ANXA8: variants seen among roughly 807,000 people sequenced by gnomAD.
ANXA8 encodes annexin A8.
In ANXA8, 9 loss-of-function variants were observed where a neutral mutation model predicts 26.8. The ratio of observed to expected loss-of-function variants is 0.34; its 90% CI spans 0.20 to 0.59. The LOEUF (loss-of-function observed/expected upper bound fraction) is 0.59, where lower values mean the gene tolerates loss of function less well. Ranked by LOEUF, ANXA8 falls within the 20% of genes least tolerant of loss-of-function variation. The pLI is 0.84. For missense variants in ANXA8, 83 were observed against 238.5 expected, an observed-to-expected ratio of 0.35 and a Z score of 4.29; for synonymous variants, 39 against 94.8, an observed-to-expected ratio of 0.41 and a Z score of 3.42.
chr10:47,651,805 A>G, the ANXA8 span, among the ~76,000 whole-genome samples: 1 of 151,874 alleles, frequency 6.6e-6, no homozygotes, highest in South Asian at 2.1e-4. Flanking sequence ...GAGGCAGGAG[A>G]ATCGCTTGAA....
chr10:47,710,893 A>C, the ANXA8 span, among the ~76,000 whole-genome samples: 1 of 123,128 alleles, frequency 8.1e-6, no homozygotes, highest in East Asian at 2.2e-4. Context: ...GTAGCAATTC[A>C]TTTATCTAAT....
In ANXA8 at chr10:47,474,276, C is replaced by T. The variant is rs1192918247; in HGVS notation, c.646+29G>A. 32 of 1,582,782 alleles carry T rather than the reference C, an allele frequency of 2.0e-5. 2 individuals carry two copies. In the African/African-American group the frequency reaches 2.8e-4, roughly 14 times the overall value. ...TCATGGCCAGGACACCCCCTGTGGC[C>T]CCGGCCCCAGCCCCTCCCTCCCTGG... On this transcript the variant is annotated intron_variant, in intron 8 of 11. Coordinates refer to ENST00000585281, the MANE Select transcript of ANXA8 (RefSeq NM_001040084.3).
chr10:47,489,952 T>C, the ANXA8 span, among the ~76,000 whole-genome samples: 5 of 150,768 alleles, frequency 3.3e-5, no homozygotes, highest in Admixed American at 6.6e-5. Flanking sequence ...CCTTGGCTGC[T>C]GGGAGACGAG....
the ANXA8 span, among the ~76,000 whole-genome samples, chr10:47,970,759 G>C: frequency 2.0e-5 from 3 of 151,420 alleles, 1 homozygote; most frequent in Non-Finnish European, 4.4e-5. Context: ...CACAGGCCCT[G>C]AAAAAACCCA....
At chr10:47,974,231 A>C in the ANXA8 span, among the ~76,000 whole-genome samples, 1 of 149,356 alleles carries the variant, frequency 6.7e-6, no homozygotes, top group Non-Finnish European at 1.5e-5. Flanking sequence ...TTCATCTGCA[A>C]ATGAAGATGA....
the ANXA8 span, among the ~76,000 whole-genome samples, chr10:47,776,616 T>C: frequency 2.0e-5 from 3 of 152,024 alleles, no homozygotes; most frequent in African/African-American, 4.8e-5. Flanking sequence ...GTATTTATCA[T>C]TGGATCTAAG....
At chr10:47,948,018 G>C in the ANXA8 span, among the ~76,000 whole-genome samples, 5 of 150,930 alleles carry the variant, frequency 3.3e-5, no homozygotes, top group Non-Finnish European at 5.9e-5. Flanking sequence ...GTTCAGTTGA[G>C]ATCCCAGAAA....
chr10:47,561,110 A>G, the ANXA8 span, among the ~76,000 whole-genome samples: 9 of 152,108 alleles, frequency 5.9e-5, no homozygotes, highest in East Asian at 1.9e-4. Flanking sequence ...AATTGTAGAT[A>G]TATATTTATG....
the ANXA8 span, among the ~76,000 whole-genome samples, chr10:47,700,318 G>A: frequency 1.3e-5 from 2 of 151,862 alleles, no homozygotes; most frequent in African/African-American, 4.8e-5. Context: ...TAGACCAGTG[G>A]AATAGAGTAA....
At chr10:47,554,111 A>AAATAAATG in the ANXA8 span, among the ~76,000 whole-genome samples, 12 of 12,832 alleles carry the variant, frequency 9.4e-4, no homozygotes, top group Non-Finnish European at 1.3e-3. Context: ...ATCTCTCAAA[A>AAATAAATG]AATAAATAAA....
chr10:47,591,059 G>A, the ANXA8 span, among the ~76,000 whole-genome samples: 1 of 143,512 alleles, frequency 7.0e-6, no homozygotes, highest in Non-Finnish European at 1.5e-5. Context: ...AGAGTCAGAA[G>A]TGGGAACGCA....
At chr10:47,671,026 C>T in the ANXA8 span, among the ~76,000 whole-genome samples, 26 of 151,672 alleles carry the variant, frequency 1.7e-4, no homozygotes, top group Non-Finnish European at 2.6e-4. Flanking sequence ...AGTTGGCCTG[C>T]TTCCAAAATG....
the ANXA8 span, among the ~76,000 whole-genome samples, chr10:47,899,060 G>T: frequency 1.3e-5 from 2 of 151,630 alleles, no homozygotes; most frequent in African/African-American, 4.8e-5. Flanking sequence ...TGGGTCTTGA[G>T]CTCCTGACCT....
chr10:47,679,861 T>C, the ANXA8 span, among the ~76,000 whole-genome samples: 1 of 151,952 alleles, frequency 6.6e-6, no homozygotes, highest in African/African-American at 2.4e-5. Flanking sequence ...GAGGCTGCAG[T>C]GAACTGTGTT....
the ANXA8 span, among the ~76,000 whole-genome samples, chr10:47,928,727 G>T: frequency 2.2e-5 from 2 of 91,524 alleles, no homozygotes; most frequent in East Asian, 4.8e-4. Flanking sequence ...CCAGAGACTT[G>T]TCTAGCCTCT....
At chr10:47,649,500 C>G in the ANXA8 span, among the ~76,000 whole-genome samples, 1 of 151,286 alleles carries the variant, frequency 6.6e-6, no homozygotes, top group Admixed American at 6.6e-5. Context: ...CCTCTGCCTC[C>G]TGGGTTCAAG....
At chr10:47,652,457 C>T in the ANXA8 span, among the ~76,000 whole-genome samples, 507 of 151,064 alleles carry the variant, frequency 3.4e-3, no homozygotes, top group Non-Finnish European at 4.9e-3. Context: ...ATTGGCTGGG[C>T]GTGTTGGTAC....
the ANXA8 span, among the ~76,000 whole-genome samples, chr10:47,703,216 A>T: frequency 2.6e-5 from 4 of 151,832 alleles, no homozygotes; most frequent in Non-Finnish European, 5.9e-5. Flanking sequence ...AGGGGAAGAG[A>T]GAGCTCTTCC....
the ANXA8 span, among the ~76,000 whole-genome samples, chr10:47,949,940 A>G: frequency 1.3e-5 from 2 of 150,672 alleles, no homozygotes; most frequent in African/African-American, 4.9e-5. Context: ...TGGTCTAAAA[A>G]TTCCAATAAA....
Sources: gnomAD v4.1 joint callset for allele counts (sites outside exome capture counted in the v4.1 genomes callset) on GRCh38, gnomAD v4.1.1 for gene constraint, MANE v1.5 for transcripts, NCBI Gene and HGNC (gene_info 2026-07-23, HGNC 2026-07-21) for gene names.